Variants in HPSE2 observed in about 807,000 individuals in gnomAD.
HPSE2 encodes the protein inactive heparanase-2.
HPSE2 carries 38 observed loss-of-function variants against 60.5 expected under a neutral mutation model. The ratio of observed to expected loss-of-function variants is 0.63; its 90% CI spans 0.48 to 0.82. The LOEUF (loss-of-function observed/expected upper bound fraction) is 0.82, where lower values mean the gene tolerates loss of function less well. HPSE2 is among the 40% of genes least tolerant of loss of function. The pLI is 0.00. For synonymous variants in HPSE2, 295 were observed against 293.2 expected (o/e 1.01, Z -0.06); for missense variants, 713 against 740.4 (o/e 0.96, Z 0.43).
At chr10:98,892,334 A>T (rs1328005502) in intron 3 of HPSE2, among the ~76,000 whole-genome samples, 1 of 152,178 alleles carries the variant, frequency 6.6e-6, no homozygotes, top group Non-Finnish European at 1.5e-5. Flanking sequence ...ATGACTACCA[A>T]AGCCCTATCA....
At chr10:98,701,607 T>C (rs1457229230) in intron 5 of HPSE2, among the ~76,000 whole-genome samples, 1 of 150,876 alleles carries the variant, frequency 6.6e-6, no homozygotes, top group Non-Finnish European at 1.5e-5. Context: ...AACCTGCACA[T>C]TGTGCACATG....
intron 3 of HPSE2, among the ~76,000 whole-genome samples, chr10:99,139,095 T>C (rs759120693): frequency 6.6e-5 from 10 of 152,178 alleles, no homozygotes; most frequent in Non-Finnish European, 1.2e-4. Flanking sequence ...CATGAAATAC[T>C]ACTCAGCCAT....
At chr10:98,989,416 T>C (rs906499298) in intron 3 of HPSE2, among the ~76,000 whole-genome samples, 1 of 150,502 alleles carries the variant, frequency 6.6e-6, no homozygotes, top group East Asian at 2.0e-4. Context: ...AAACACTGCA[T>C]GTTCTCACTC....
chr10:98,996,841 G>A (rs562436825), intron 3 of HPSE2, among the ~76,000 whole-genome samples: 2 of 152,148 alleles, frequency 1.3e-5, no homozygotes, highest in Non-Finnish European at 2.9e-5. Flanking sequence ...ATAGAAATCA[G>A]ATGAGTGGTT....
intron 3 of HPSE2, among the ~76,000 whole-genome samples, chr10:98,850,011 T>C (rs1305057062): frequency 6.6e-6 from 1 of 152,226 alleles, no homozygotes; most frequent in African/African-American, 2.4e-5. Context: ...CCCAAAGTGC[T>C]GGGATTACAG....
At chr10:99,068,381 GGGGA>G (rs2135540916) in intron 3 of HPSE2, among the ~76,000 whole-genome samples, 1 of 152,306 alleles carries the variant, frequency 6.6e-6, no homozygotes, top group East Asian at 1.9e-4. Flanking sequence ...CCACGTGGCT[GGGGA>G]GACTCACAAT....
chr10:99,176,587 GA>G (rs886490177), intron 2 of HPSE2, among the ~76,000 whole-genome samples: 6 of 151,844 alleles, frequency 4.0e-5, no homozygotes, highest in Non-Finnish European at 8.8e-5. Flanking sequence ...ATAATGAAAA[GA>G]AAAAAACAAA....
chr10:99,172,085 T>C (rs911840656), intron 2 of HPSE2, among the ~76,000 whole-genome samples: 13 of 152,310 alleles, frequency 8.5e-5, no homozygotes, highest in Admixed American at 2.6e-4. Context: ...GTTTGTTACA[T>C]GGATATATTG....
Position 99,018,982 on chromosome 10 carries a change from T to G in HPSE2, c.610+125256A>C, listed in dbSNP as rs867345884. On this transcript the variant is annotated intron_variant, in intron 3 of 11. Coordinates refer to ENST00000370552, the MANE Select transcript of HPSE2 (RefSeq NM_021828.5). ...GTATCAAAACTAGGTGCTTCCATGA[T>G]GTACTAAATGCATACTCAACATATG... 3.3e-5 allele frequency among the ~76,000 whole-genome samples: 5 copies of G among 152,306 alleles called. 1 individual carries two copies. The highest frequency in any genetic ancestry group is 9.6e-5 in the African/African-American group (4 of 41,578).
chr10:99,232,327 A>G lies in HPSE2; in HGVS notation c.448+21T>C, dbSNP rs61883648. On this transcript the variant is annotated intron_variant, in intron 2 of 11. Coordinates refer to ENST00000370552, the MANE Select transcript of HPSE2 (RefSeq NM_021828.5). ...GCTTGCTTCCGCTCCCCAAATAAAG[A>G]ATGGTAATCAAGTTTCTCACCATCC... The G allele has an allele frequency of 9.0e-3, 13,886 of 1,551,254 alleles. 92 individuals carry two copies. The highest frequency in any genetic ancestry group is 0.01 in the Non-Finnish European group (11,873 of 1,146,736).
intron 3 of HPSE2, among the ~76,000 whole-genome samples, chr10:98,768,267 T>C (rs1950168452): frequency 6.6e-6 from 1 of 152,086 alleles, no homozygotes; most frequent in African/African-American, 2.4e-5. Flanking sequence ...TTTTTCCTAA[T>C]AAAAATACTA....
intron 3 of HPSE2, among the ~76,000 whole-genome samples, chr10:98,856,413 A>T (rs1822542080): frequency 6.6e-6 from 1 of 152,186 alleles, no homozygotes; most frequent in South Asian, 2.1e-4. Flanking sequence ...AAACAAGCAA[A>T]CAAAAATACA....
chr10:98,601,128 TTTG>T (rs36070581), intron 9 of HPSE2, among the ~76,000 whole-genome samples: 61,888 of 150,416 alleles, frequency 0.41, 15,312 homozygotes, highest in Admixed American at 0.53. Context: ...TGGCAGAATT[TTTG>T]TTGTTGTTGT....
At chr10:98,658,295 A>G (rs1219497226) in intron 6 of HPSE2, among the ~76,000 whole-genome samples, 1 of 152,258 alleles carries the variant, frequency 6.6e-6, no homozygotes, top group African/African-American at 2.4e-5. Context: ...TTTATAATTC[A>G]TAAATGAATG....
At chr10:99,002,088 C>T (rs1350812920) in intron 3 of HPSE2, among the ~76,000 whole-genome samples, 2 of 151,992 alleles carry the variant, frequency 1.3e-5, no homozygotes, top group South Asian at 2.1e-4. Flanking sequence ...TGAGGAGGTA[C>T]GTCAAAGAGA....
Position 99,235,687 on chromosome 10 carries a change from G to C in HPSE2, c.116C>G (p.Ser39Cys), listed in dbSNP as rs1849816678. The C allele has an allele frequency of 6.2e-7, 1 of 1,614,096 alleles. No individual in the cohort carries two copies. The highest frequency in any genetic ancestry group is 8.5e-7 in the Non-Finnish European group (1 of 1,180,030). Residue 39 changes from serine (S) to cysteine (C), a missense_variant, in exon 1 of 12, where the codon TCC becomes TGC. Transcript: ENST00000370552. ...CAAGGGTCTCCTGTCTCCAGCCTGG[G>C]AGGAAAGGGAGAGATGGAGCAACAG... is the stretch of plus-strand genomic sequence containing the variant. ...LALLLHLSLS[S>C]QAGDRRPLPV...
intron 11 of HPSE2, among the ~76,000 whole-genome samples, chr10:98,477,646 C>G (rs528992925): frequency 6.6e-6 from 1 of 152,188 alleles, no homozygotes; most frequent in African/African-American, 2.4e-5. Context: ...TAAGTCCTTT[C>G]GATTTTAGAT....
intron 9 of HPSE2, among the ~76,000 whole-genome samples, chr10:98,595,676 A>T (rs1226053465): frequency 6.6e-6 from 1 of 152,094 alleles, no homozygotes; most frequent in South Asian, 2.1e-4. Context: ...TTATTTTCCA[A>T]TGTGGATGCT....
At chr10:98,492,404 A>G (rs1465877191) in intron 9 of HPSE2, among the ~76,000 whole-genome samples, 1 of 150,934 alleles carries the variant, frequency 6.6e-6, no homozygotes, top group Non-Finnish European at 1.5e-5. Context: ...CGGGAGGCTG[A>G]GGCAGGAGAA....
Sources: allele counts gnomAD v4.1 joint callset (sites outside exome capture counted in the v4.1 genomes callset), GRCh38; gene constraint gnomAD v4.1.1; transcripts MANE v1.5; gene names NCBI Gene and HGNC (gene_info 2026-07-23, HGNC 2026-07-21).